ERCC3: variants seen among roughly 807,000 people sequenced by gnomAD.
The protein encoded by ERCC3 is ERCC excision repair 3, TFIIH core complex helicase subunit, also known as general transcription and DNA repair factor IIH helicase/translocase subunit XPB.
Under a neutral mutation model 94.2 loss-of-function variants are expected in ERCC3, and 66 were observed. The observed-to-expected ratio is 0.70, with a 90% CI of 0.57 to 0.86. The LOEUF is 0.86. Among genes scored for constraint, ERCC3 ranks in the 40% least tolerant of loss-of-function variants. The pLI is 0.00. For missense variants in ERCC3, 829 were observed against 987.1 expected (o/e 0.84, Z 2.15); for synonymous variants, 349 against 369.1 (o/e 0.95, Z 0.63).
chr2:127,268,791 A>G (rs1413282336), intron 12 of ERCC3, among the ~76,000 whole-genome samples: 1 of 152,212 alleles, frequency 6.6e-6, no homozygotes, highest in East Asian at 1.9e-4. Context: ...CCTCGATCTT[A>G]GCAACCTTAG....
chr2:127,285,385 C>A (rs1685032879), intron 8 of ERCC3, among the ~76,000 whole-genome samples: 1 of 152,132 alleles, frequency 6.6e-6, no homozygotes, highest in South Asian at 2.1e-4. Context: ...CATGGCGAAA[C>A]CCTTTCTCTA....
intron 12 of ERCC3, chr2:127,262,675 T>A (rs1684231134): frequency 6.6e-6 from 1 of 152,224 alleles, no homozygotes; most frequent in African/African-American, 2.4e-5. Context: ...TGTGCATGGA[T>A]GAGGGTTTCT....
At chr2:127,290,303 A>G (rs1685224591) in intron 3 of ERCC3, 30 bp from the exon 4 acceptor site, 3 of 1,571,844 alleles carry the variant, frequency 1.9e-6, no homozygotes, top group Non-Finnish European at 2.6e-6. Context: ...CCAACAGGTA[A>G]ATGTGCAGCT....
chr2:127,280,639 A>C lies in ERCC3; in HGVS notation c.1343-8T>G. ...CCCTTCGGAACATCTTGGCTGAGGA[A>C]ACAATGGGAGCATTCACACTGTCAC... On this transcript the variant is annotated splice_region_variant and splice_polypyrimidine_tract_variant and intron_variant, in intron 8 of 14. Transcript: ENST00000285398. The surrounding 1 kb of genome is among the most constrained non-coding windows in gnomAD (Gnocchi z 6.3). 6.2e-7 allele frequency: 1 copy of C among 1,612,928 alleles called. No homozygotes were observed.
At chr2:127,281,359 CCAATT>C (rs1684905870) in intron 8 of ERCC3, among the ~76,000 whole-genome samples, 1 of 152,232 alleles carries the variant, frequency 6.6e-6, no homozygotes, top group Non-Finnish European at 1.5e-5. Flanking sequence ...CCAAACTTTA[CCAATT>C]CAATCACTTT....
chr2:127,268,361 C>T (rs188675094), intron 12 of ERCC3, among the ~76,000 whole-genome samples: 49 of 152,190 alleles, frequency 3.2e-4, no homozygotes, highest in African/African-American at 1.1e-3. Context: ...CAGACTAAAG[C>T]GATTCTCTTG....
chr2:127,280,239 G>A lies in ERCC3; in HGVS notation c.1527+208C>T, dbSNP rs1174549827. On this transcript the variant is annotated intron_variant, in intron 9 of 14. Transcript: ENST00000285398. The surrounding 1 kb of genome is among the most constrained non-coding windows in gnomAD (Gnocchi z 6.3). ...GGAAAAAGAATCATCACAAATTCAG[G>A]GGTATGTGAGATATGTGACAAGACA... Among the ~76,000 whole-genome samples the A allele has an allele frequency of 6.6e-6, 1 of 152,152 alleles. No homozygotes were observed. Among genetic ancestry groups the A allele is most frequent in the African/African-American group, 2.4e-5 (1 of 41,412 alleles).
chr2:127,270,946 T>C (rs1486322866), intron 12 of ERCC3, among the ~76,000 whole-genome samples: 1 of 152,164 alleles, frequency 6.6e-6, no homozygotes, highest in Admixed American at 6.5e-5. Context: ...CTACCAAACC[T>C]TTCCCTGCCT....
intron 12 of ERCC3, 134 bp from the exon 13 acceptor site, chr2:127,261,480 G>C: frequency 1.3e-6 from 1 of 751,522 alleles, no homozygotes; most frequent in Non-Finnish European, 2.4e-6. Context: ...ACCTGAACTT[G>C]GCATGGGATT....
chr2:127,268,891 T>C (rs908826788), intron 12 of ERCC3, among the ~76,000 whole-genome samples: 3 of 152,336 alleles, frequency 2.0e-5, no homozygotes, highest in African/African-American at 7.2e-5. Flanking sequence ...ATATCTGAAT[T>C]GCTAGCATCA....
intron 8 of ERCC3, among the ~76,000 whole-genome samples, chr2:127,283,757 C>T (rs777779423): frequency 2.0e-5 from 3 of 152,232 alleles, no homozygotes; most frequent in Non-Finnish European, 2.9e-5. Flanking sequence ...GCCCTTCTAA[C>T]TGGCATATGG....
intron 10 of ERCC3, among the ~76,000 whole-genome samples, chr2:127,276,389 A>G (rs1684736254): frequency 6.6e-6 from 1 of 152,220 alleles, no homozygotes; most frequent in Non-Finnish European, 1.5e-5. Context: ...AAACTCAGAA[A>G]GACTCAAAAG....
At position 127,286,873 on chromosome 2, in the gene ERCC3, C is replaced by A; in HGVS notation, c.1172G>T (p.Arg391Leu). ...WSTIDDSQIC[R>L]FTSDAKDKPI... is the part of the protein sequence containing the mutation. ...CTTGTCCTTGGCATCGGAGGTGAAC[C>A]GGCAGATCTGGCTGTCGTCAATGGT... The change falls in exon 8 of 15, where the codon CGG (arginine) becomes CTG (leucine). Residue 391 changes from arginine (R) to leucine (L), a missense_variant. Transcript: ENST00000285398. The A allele has an allele frequency of 6.2e-7, 1 of 1,614,150 alleles. No individual in the cohort carries two copies. Among genetic ancestry groups the A allele is most frequent in the Non-Finnish European group, 8.5e-7 (1 of 1,180,038 alleles).
At position 127,290,247 on chromosome 2, in the gene ERCC3, G is replaced by A; in HGVS notation, c.498C>T (p.Val166=). The change falls in exon 4 of 15, where the codon GTC becomes GTT. Residue 166 remains valine, a synonymous_variant. Transcript: ENST00000285398. ...IKLCTVSYGK[V]KLVLKHNRYF... Reference sequence around the variant, plus strand: ...ACCTGTTGTGCTTCAAGACCAGCTTGACTTTTCCATAGCTGACAGTACACA... The same window carrying A: ...ACCTGTTGTGCTTCAAGACCAGCTTAACTTTTCCATAGCTGACAGTACACA... 1 of 1,614,020 alleles carries A rather than the reference G, an allele frequency of 6.2e-7. No individual in the cohort carries two copies. The highest frequency in any genetic ancestry group is 8.5e-7 in the Non-Finnish European group (1 of 1,179,898).
At chr2:127,288,594 G>T in intron 7 of ERCC3, 66 bp downstream of exon 7, 1 of 1,339,350 alleles carries the variant, frequency 7.5e-7, no homozygotes. Context: ...CAGAGAGAAA[G>T]CGGGAGGCAG....
rs1339400090 is a variant in ERCC3, at chr2:127,271,791, A to G, written c.1828-338T>C. The stretch of plus-strand genomic sequence containing the variant: ...GTCATTCATTTTTTTGGCTACAGAA[A>G]TATGTCTCCACAAAACCATCCATAC... On this transcript the variant is annotated intron_variant, in intron 11 of 14. Coordinates refer to ENST00000285398, the MANE Select transcript of ERCC3 (RefSeq NM_000122.2). This position sits in a 1 kb window ranked among gnomAD's most constrained non-coding sequence, Gnocchi z 5.0. Among the ~76,000 whole-genome samples the G allele has an allele frequency of 1.3e-5, 2 of 152,106 alleles. No individual in the cohort carries two copies. Among genetic ancestry groups the G allele is most frequent in the East Asian group, 3.9e-4 (2 of 5,170 alleles).
chr2:127,270,851 C>T (rs1684525272), intron 12 of ERCC3, among the ~76,000 whole-genome samples: 1 of 152,206 alleles, frequency 6.6e-6, no homozygotes, highest in Non-Finnish European at 1.5e-5. Context: ...TGAGCTTGCC[C>T]TGCCCCTGCT....
At chr2:127,292,202 C>G (rs560891866) in intron 3 of ERCC3, 19 of 335,162 alleles carry the variant, frequency 5.7e-5, no homozygotes, top group South Asian at 2.0e-4. Context: ...AAATACATTA[C>G]CATTGGATAT....
chr2:127,261,864 G>T (rs527416663), intron 12 of ERCC3: 5 of 188,854 alleles, frequency 2.6e-5, no homozygotes, highest in African/African-American at 9.6e-5. Context: ...ACTAGAACCC[G>T]CATGCATTGC....
Sources: gnomAD v4.1 joint callset for allele counts (sites outside exome capture counted in the v4.1 genomes callset) on GRCh38, gnomAD v4.1.1 for gene constraint, Gnocchi (gnomAD v3.1) non-coding constraint, MANE v1.5 for transcripts, NCBI Gene and HGNC (gene_info 2026-07-23, HGNC 2026-07-21) for gene names.